The following RFX3 variants were observed in gnomAD, a reference collection of about 807,000 sequenced individuals.
The protein encoded by RFX3 is transcription factor RFX3.
Under a neutral mutation model 98.6 loss-of-function variants are expected in RFX3, and 14 were observed. That is an observed-to-expected ratio of 0.14 (90% CI 0.09 to 0.22). The LOEUF (loss-of-function observed/expected upper bound fraction) is 0.22. Among genes scored for constraint, RFX3 ranks in the 10% least tolerant of loss-of-function variants. The pLI is 1.00. For synonymous variants in RFX3, 383 were observed against 328.4 expected (o/e 1.17, Z -1.80); for missense variants, 639 against 926.9 (o/e 0.69, Z 4.03).
intron 1 of RFX3, among the ~76,000 whole-genome samples, chr9:3,403,823 T>C (rs1353761651): frequency 6.6e-6 from 1 of 152,190 alleles, no homozygotes; most frequent in African/African-American, 2.4e-5. Context: ...CAGGTAGTAC[T>C]GCACCAAACA....
chr9:3,441,354 A>G (rs1845594250), intron 1 of RFX3, among the ~76,000 whole-genome samples: 2 of 152,258 alleles, frequency 1.3e-5, no homozygotes, highest in South Asian at 4.1e-4. Flanking sequence ...GCACATTTAC[A>G]TATGTTTCCT....
At chr9:3,277,260 A>T (rs2304929) in intron 8 of RFX3, 80 bp downstream of exon 8, 2 of 1,458,598 alleles carry the variant, frequency 1.4e-6, no homozygotes, top group Non-Finnish European at 1.9e-6. Flanking sequence ...ATTGACATCT[A>T]TAATAGACAT....
intron 1 of RFX3, among the ~76,000 whole-genome samples, chr9:3,398,725 T>C (rs948368018): frequency 1.3e-5 from 2 of 152,124 alleles, no homozygotes; most frequent in African/African-American, 4.8e-5. Context: ...TGTTTGCACA[T>C]ACATTGTATT....
At chr9:3,490,059 A>G (rs1850618221) in intron 1 of RFX3, among the ~76,000 whole-genome samples, 1 of 152,218 alleles carries the variant, frequency 6.6e-6, no homozygotes, top group Non-Finnish European at 1.5e-5. Context: ...CTATGTAAAT[A>G]ATACTGTTTT....
At chr9:3,418,199 C>T (rs1045442213) in intron 1 of RFX3, among the ~76,000 whole-genome samples, 1 of 152,146 alleles carries the variant, frequency 6.6e-6, no homozygotes, top group East Asian at 1.9e-4. Flanking sequence ...AGTTTCTCAA[C>T]TGTAAAATAA....
intron 4 of RFX3, among the ~76,000 whole-genome samples, chr9:3,305,215 A>G (rs1314491850): frequency 6.6e-6 from 1 of 152,046 alleles, no homozygotes; most frequent in East Asian, 1.9e-4. Flanking sequence ...CATTTCATGT[A>G]TATATGGGAG....
chr9:3,504,114 T>G (rs889407549), intron 1 of RFX3, among the ~76,000 whole-genome samples: 2 of 143,966 alleles, frequency 1.4e-5, no homozygotes, highest in Non-Finnish European at 3.0e-5. Flanking sequence ...TCTCTCTCTC[T>G]CTCTCCCTCT....
At chr9:3,425,282 C>T (rs549082997) in intron 1 of RFX3, among the ~76,000 whole-genome samples, 9 of 152,262 alleles carry the variant, frequency 5.9e-5, no homozygotes, top group Non-Finnish European at 7.4e-5. Flanking sequence ...TTCCCTACTA[C>T]GTGGCAAAAA....
intron 15 of RFX3, among the ~76,000 whole-genome samples, chr9:3,244,460 T>C (rs1243703646): frequency 6.6e-6 from 1 of 152,192 alleles, no homozygotes; most frequent in African/African-American, 2.4e-5. Context: ...CTTTTTATCC[T>C]AATTCAATTT....
Position 3,302,340 on chromosome 9 carries a change from T to A in RFX3, c.475-720A>T, listed in dbSNP as rs947850919. ...ACAGAAACAGCTCTAATCTGTGAAA[T>A]CTCAGCATACCATGTACGATTATTA... is the stretch of plus-strand genomic sequence containing the variant. On this transcript the variant is annotated intron_variant, in intron 4 of 16. Coordinates refer to ENST00000617270, the MANE Select transcript of RFX3 (RefSeq NM_001282116.2). Among the ~76,000 whole-genome samples, 6 of 151,816 alleles carry A rather than the reference T, an allele frequency of 4.0e-5. No homozygotes were observed. In the Admixed American group the frequency reaches 4.0e-4, roughly 10 times the overall value.
chr9:3,273,261 G>T (rs1239646229), intron 9 of RFX3, among the ~76,000 whole-genome samples: 1 of 152,028 alleles, frequency 6.6e-6, no homozygotes, highest in Non-Finnish European at 1.5e-5. Context: ...AAAATAATTA[G>T]AATTTTTCTT....
intron 1 of RFX3, among the ~76,000 whole-genome samples, chr9:3,505,147 T>C (rs1189169752): frequency 1.0e-5 from 1 of 99,614 alleles, no homozygotes; most frequent in Non-Finnish European, 1.8e-5. Flanking sequence ...ATATATTATA[T>C]GAATATATGA....
chr9:3,276,176 C>T (rs1432189391), intron 8 of RFX3, among the ~76,000 whole-genome samples: 1 of 152,096 alleles, frequency 6.6e-6, no homozygotes, highest in Non-Finnish European at 1.5e-5. Context: ...AGCACAGGAT[C>T]TTTTGGGTCT....
chr9:3,239,292 C>T (rs1357975222), intron 15 of RFX3, among the ~76,000 whole-genome samples: 1 of 152,138 alleles, frequency 6.6e-6, no homozygotes, highest in Non-Finnish European at 1.5e-5. Context: ...ACCTTGTGTT[C>T]CTTGGTTACT....
intron 1 of RFX3, among the ~76,000 whole-genome samples, chr9:3,468,010 G>A (rs541028718): frequency 6.6e-6 from 1 of 152,264 alleles, no homozygotes; most frequent in Admixed American, 6.5e-5. Context: ...TCTGAAAGAT[G>A]ATCGCATTTA....
chr9:3,419,829 G>A (rs904054105), intron 1 of RFX3, among the ~76,000 whole-genome samples: 1 of 152,126 alleles, frequency 6.6e-6, no homozygotes. Context: ...TATGTAGAAT[G>A]TTTAATAATT....
At chr9:3,356,461 T>C (rs758361874) in intron 2 of RFX3, among the ~76,000 whole-genome samples, 8 of 151,644 alleles carry the variant, frequency 5.3e-5, no homozygotes, top group Admixed American at 2.0e-4. Flanking sequence ...AAACACCCAA[T>C]CCCAAATCAT....
At chr9:3,230,700 G>C (rs1220612681) in intron 15 of RFX3, among the ~76,000 whole-genome samples, 1 of 152,110 alleles carries the variant, frequency 6.6e-6, no homozygotes, top group Non-Finnish European at 1.5e-5. Context: ...ACAGATTTAA[G>C]GGAATACTTA....
rs922075351 is a variant in RFX3, at chr9:3,225,415, G to C, written c.2012-135C>G. Reference sequence around the variant, plus strand: ...AGCTCTTCTCAGGAAACAAAGCTTAGAGGTTTTCTTTTCATCAGATTTTAT... The same window carrying C: ...AGCTCTTCTCAGGAAACAAAGCTTACAGGTTTTCTTTTCATCAGATTTTAT... On this transcript the variant is annotated intron_variant, in intron 16 of 16. Coordinates refer to ENST00000617270, the MANE Select transcript of RFX3 (RefSeq NM_001282116.2). 18 of 1,343,384 alleles carry C rather than the reference G, an allele frequency of 1.3e-5. No homozygotes were observed. The African/African-American group carries it at 2.2e-4, about 17-fold the overall frequency. The allele number at this position is 1,343,384 out of a possible 1,614,324, so 83.2% of individuals were successfully genotyped here.
Sources: gnomAD v4.1 joint callset for allele counts (sites outside exome capture counted in the v4.1 genomes callset) on GRCh38, gnomAD v4.1.1 for gene constraint, MANE v1.5 for transcripts, NCBI Gene and HGNC (gene_info 2026-07-23, HGNC 2026-07-21) for gene names.